Variants in CNTN1 observed in about 807,000 individuals in gnomAD.
CNTN1 encodes contactin-1.
Under a neutral mutation model 126.4 loss-of-function variants are expected in CNTN1, and 38 were observed. The ratio of observed to expected loss-of-function variants is 0.30; its 90% CI spans 0.23 to 0.39. CNTN1 has a LOEUF of 0.39. Ranked by LOEUF, CNTN1 falls within the 10% of genes least tolerant of loss-of-function variation. The pLI is 1.00. For synonymous variants in CNTN1, 413 were observed against 422.6 expected, an observed-to-expected ratio of 0.98 and a Z score of 0.28; for missense variants, 1,009 against 1,248.4, an observed-to-expected ratio of 0.81 and a Z score of 2.89.
intron 1 of CNTN1, among the ~76,000 whole-genome samples, chr12:40,789,101 T>C (rs1227680066): frequency 6.6e-6 from 1 of 152,176 alleles, no homozygotes; most frequent in African/African-American, 2.4e-5. Flanking sequence ...ATAATTATTA[T>C]TTCAGTGAAT....
rs12821990 is a variant in CNTN1 at position 40,908,032 on chromosome 12, T to G, written c.-76-325T>G. 0.033 allele frequency among the ~76,000 whole-genome samples: 5,092 copies of G among 152,314 alleles called. 112 individuals are homozygous for G. Among genetic ancestry groups the G allele is most frequent in the Middle Eastern group, 0.12 (34 of 294 alleles). On this transcript the variant is annotated intron_variant, in intron 1 of 23. Transcript: ENST00000551295. The stretch of plus-strand genomic sequence containing the variant: ...TATTTGTAGAAAAGACTTATTATAC[T>G]CAATGGTTACAGAGGAAAAGAAACC...
intron 1 of CNTN1, among the ~76,000 whole-genome samples, chr12:40,758,712 A>AT (rs1219446117): frequency 6.6e-6 from 1 of 152,056 alleles, no homozygotes; most frequent in Admixed American, 6.6e-5. Context: ...GATGAATCTG[A>AT]TTTTTTTATA....
chr12:40,977,772 TTTTGTTTTGTTTTGTTTTG>T (rs1566078876), intron 15 of CNTN1, among the ~76,000 whole-genome samples: 57 of 145,472 alleles, frequency 3.9e-4, no homozygotes, highest in South Asian at 2.0e-3. Flanking sequence ...ATCTGTTTTG[TTTTGTTTTGTTTTGTTTTG>T]TTTTGTTTTG....
intron 1 of CNTN1, among the ~76,000 whole-genome samples, chr12:40,836,076 ACG>A (rs1187832381): frequency 2.8e-5 from 3 of 105,754 alleles, no homozygotes; most frequent in Non-Finnish European, 6.5e-5. Flanking sequence ...GTGTATATAT[ACG>A]TACATATACA....
At chr12:40,825,312 AT>A (rs968201212) in intron 1 of CNTN1, among the ~76,000 whole-genome samples, 26 of 149,356 alleles carry the variant, frequency 1.7e-4, no homozygotes, top group South Asian at 6.4e-4. Context: ...TTGTCATGGC[AT>A]TTTTTTTTTA....
At chr12:40,758,662 C>T (rs1938707932) in intron 1 of CNTN1, among the ~76,000 whole-genome samples, 1 of 152,056 alleles carries the variant, frequency 6.6e-6, no homozygotes, top group African/African-American at 2.4e-5. Context: ...TAATGAACTG[C>T]TACACATACA....
chr12:41,057,096 A>G (rs1472694338), intron 23 of CNTN1, among the ~76,000 whole-genome samples: 1 of 138,996 alleles, frequency 7.2e-6, no homozygotes, highest in Non-Finnish European at 1.5e-5. Flanking sequence ...TATTATAAAT[A>G]TTTAGATATT....
rs536465862 is a variant in CNTN1, at chr12:40,832,569, C to T, written c.-76-75788C>T. Among the ~76,000 whole-genome samples, 3 of 152,252 alleles carry T rather than the reference C, an allele frequency of 2.0e-5. No individual in the cohort carries two copies. The South Asian group carries it at 6.2e-4, about 32-fold the overall frequency. On this transcript the variant is annotated intron_variant, in intron 1 of 23. Transcript: ENST00000551295. ...GTACACTTCGTGATGTTCCCACAGT[C>T]AAAATCACCTAACTGCTCATTTCTC...
intron 23 of CNTN1, among the ~76,000 whole-genome samples, chr12:41,067,701 G>A (rs1217558924): frequency 6.6e-6 from 1 of 150,850 alleles, no homozygotes; most frequent in Non-Finnish European, 1.5e-5. Context: ...CACCAGCATG[G>A]CACATGTATA....
Position 41,056,912 on chromosome 12 carries a change from ATTTATAATATTTAGATAT to A in CNTN1, c.2981-13044_2981-13027del, listed in dbSNP as rs1453558767. On this transcript the variant is annotated intron_variant, in intron 23 of 23. Coordinates refer to ENST00000551295, the MANE Select transcript of CNTN1 (RefSeq NM_001843.4). ...ATATTATATTTAGATATTTATAAAT[ATTTATAATATTTAGATAT>A]TTATAAATATTTATAATATTTAGAT... Among the ~76,000 whole-genome samples, 581 of 84,558 alleles carry A rather than the reference ATTTATAATATTTAGATAT, an allele frequency of 6.9e-3. 19 individuals are homozygous for A. The highest frequency in any genetic ancestry group is 8.4e-3 in the Non-Finnish European group (355 of 42,222). The allele number at this position is 84,558 out of a possible 152,430, so 55.5% of individuals were successfully genotyped here. A position where few individuals can be genotyped will look rare whatever the true frequency, so the allele number is the denominator to read the frequency against.
At chr12:40,808,738 G>C (rs748571536) in intron 1 of CNTN1, among the ~76,000 whole-genome samples, 1 of 152,050 alleles carries the variant, frequency 6.6e-6, no homozygotes, top group Non-Finnish European at 1.5e-5. Context: ...CCAACCACCA[G>C]ATTGGGTTTT....
intron 14 of CNTN1, among the ~76,000 whole-genome samples, chr12:40,957,321 A>G (rs1276658883): frequency 6.6e-6 from 1 of 151,948 alleles, no homozygotes; most frequent in Non-Finnish European, 1.5e-5. Context: ...GTGGCTGCCA[A>G]CAAGATGGCA....
At chr12:40,737,413 C>T (rs1937745678) in intron 1 of CNTN1, among the ~76,000 whole-genome samples, 1 of 139,432 alleles carries the variant, frequency 7.2e-6, no homozygotes. Flanking sequence ...TACATGATAG[C>T]AAGGTCCCAC....
chr12:40,750,203 T>C (rs1235579794), intron 1 of CNTN1, among the ~76,000 whole-genome samples: 1 of 152,056 alleles, frequency 6.6e-6, no homozygotes, highest in African/African-American at 2.4e-5. Context: ...AGGCTGATTG[T>C]CACTTCTAAG....
chr12:40,993,511 A>C (rs935644838), intron 17 of CNTN1, among the ~76,000 whole-genome samples: 4 of 151,388 alleles, frequency 2.6e-5, no homozygotes, highest in Admixed American at 2.6e-4. Context: ...ATTAATTAAG[A>C]ATTAATATAG....
chr12:40,943,042 T>A (rs966015225), intron 12 of CNTN1, among the ~76,000 whole-genome samples: 5 of 151,956 alleles, frequency 3.3e-5, no homozygotes, highest in African/African-American at 9.7e-5. Context: ...ACTTAGTGAG[T>A]TTTTAGTGTC....
intron 5 of CNTN1, among the ~76,000 whole-genome samples, chr12:40,923,166 T>C (rs1945513498): frequency 2.0e-5 from 3 of 151,932 alleles, no homozygotes; most frequent in African/African-American, 7.2e-5. Context: ...CTTCTAATAG[T>C]AGGAATAAAT....
rs747815095 is a variant in CNTN1 at position 41,025,303 on chromosome 12, A to G, written c.2677A>G (p.Ser893Gly). Residue 893 changes from serine (S) to glycine (G), a missense_variant, in exon 21 of 24, where the codon AGT (serine) becomes GGT (glycine). By Grantham distance (56) the Ser-to-Gly change is moderately conservative. Transcript: ENST00000551295. ...ACNSAGCGPPSDMIEAFTKKA... is the reference protein window; with the variant it reads ...ACNSAGCGPPGDMIEAFTKKA... Reference sequence around the variant, plus strand: ...CAATAGTGCAGGGTGTGGACCTCCAAGTGACATGATTGAGGCTTTCACCAA... The same window carrying G: ...CAATAGTGCAGGGTGTGGACCTCCAGGTGACATGATTGAGGCTTTCACCAA... 7 of 1,613,598 alleles carry G rather than the reference A, an allele frequency of 4.3e-6. No homozygotes were observed. Among genetic ancestry groups the G allele is most frequent in the Non-Finnish European group, 5.9e-6 (7 of 1,179,570 alleles).
chr12:41,029,345 TC>T, intron 23 of CNTN1, 126 bp downstream of exon 23: 1 of 1,071,066 alleles, frequency 9.3e-7, no homozygotes, highest in East Asian at 2.4e-5. Context: ...ATTGGACATA[TC>T]AAGGATTCCC....
Sources: gnomAD v4.1 joint callset for allele counts (sites outside exome capture counted in the v4.1 genomes callset) on GRCh38, gnomAD v4.1.1 for gene constraint, MANE v1.5 for transcripts, NCBI Gene and HGNC (gene_info 2026-07-23, HGNC 2026-07-21) for gene names.